SLC16A14: variants seen among roughly 807,000 people sequenced by gnomAD.
SLC16A14 encodes solute carrier family 16 member 14.
In SLC16A14, 14 loss-of-function variants were observed where a neutral mutation model predicts 35.8. That is an observed-to-expected ratio of 0.39 (90% CI 0.26 to 0.61). The LOEUF (loss-of-function observed/expected upper bound fraction) is 0.61. Among genes scored for constraint, SLC16A14 ranks in the 20% least tolerant of loss-of-function variants. SLC16A14 has a pLI of 0.51. For synonymous variants in SLC16A14, 248 were observed against 258.9 expected, an observed-to-expected ratio of 0.96 and a Z score of 0.40; for missense variants, 533 against 655.0, an observed-to-expected ratio of 0.81 and a Z score of 2.03.
In SLC16A14 at chr2:230,046,981, G is replaced by A. The variant is rs191068209; in HGVS notation, c.404-259C>T. Among the ~76,000 whole-genome samples the A allele has an allele frequency of 1.3e-5, 2 of 152,318 alleles. No homozygotes were observed. The highest frequency in any genetic ancestry group is 6.5e-5 in the Admixed American group (1 of 15,298). On this transcript the variant is annotated intron_variant, in intron 3 of 4. Coordinates refer to ENST00000295190, the MANE Select transcript of SLC16A14 (RefSeq NM_152527.5). This position sits in a 1 kb window ranked among gnomAD's most constrained non-coding sequence, Gnocchi z 5.0. ...CAAGTTCCTCCAATAACAAAATGGA[G>A]CAGCATTCTCCCATCAGAAAAATAG...
In SLC16A14 at chr2:230,064,288, C is replaced by CTGTGTGTGTG. The variant is rs370970241; in HGVS notation, c.-15+4257_-15+4266dup. The stretch of plus-strand genomic sequence containing the variant: ...AGTATGTCTTGGGTTTCAGCCTTGT[C>CTGTGTGTGTG]TGTGTGTGTGTGTGTGTGTGTGTGT... On this transcript the variant is annotated intron_variant, in intron 1 of 4. Coordinates refer to ENST00000295190, the MANE Select transcript of SLC16A14 (RefSeq NM_152527.5). Among the ~76,000 whole-genome samples, 244 of 149,690 alleles carry CTGTGTGTGTG rather than the reference C, an allele frequency of 1.6e-3. 1 individual carries two copies. Among genetic ancestry groups the CTGTGTGTGTG allele is most frequent in the Middle Eastern group, 0.01 (3 of 290 alleles).
intron 2 of SLC16A14, among the ~76,000 whole-genome samples, chr2:230,056,415 T>A (rs35939812): frequency 1.3e-5 from 2 of 151,916 alleles, no homozygotes; most frequent in East Asian, 3.9e-4. Flanking sequence ...CCACCATGCC[T>A]GGCTAATTTT....
Position 230,037,338 on chromosome 2 carries a change from C to A in SLC16A14, c.*42G>T. The A allele has an allele frequency of 6.6e-7, 1 of 1,523,892 alleles. No individual in the cohort carries two copies. Among genetic ancestry groups the A allele is most frequent in the Non-Finnish European group, 8.8e-7 (1 of 1,137,932 alleles). 94.4% of individuals were successfully genotyped at this position (1,523,892 alleles called of 1,614,324 possible). A position where few individuals can be genotyped will look rare whatever the true frequency, so the allele number is the denominator to read the frequency against. ...CCTCACAGCAACCATGCGAGGTAGG[C>A]ATGAGTATTACAATGAAACCTACAC... On this transcript the variant is annotated 3_prime_UTR_variant, in exon 5 of 5. Coordinates refer to ENST00000295190, the MANE Select transcript of SLC16A14 (RefSeq NM_152527.5).
At chr2:230,054,896 G>GAAA (rs200730244) in intron 2 of SLC16A14, among the ~76,000 whole-genome samples, 1 of 93,018 alleles carries the variant, frequency 1.1e-5, no homozygotes, top group Non-Finnish European at 2.2e-5. Flanking sequence ...CTCCATCTCA[G>GAAA]AAAAAAAAAA....
intron 1 of SLC16A14, among the ~76,000 whole-genome samples, chr2:230,066,317 T>C (rs1194772362): frequency 6.7e-6 from 1 of 148,652 alleles, no homozygotes; most frequent in Non-Finnish European, 1.5e-5. Context: ...AAAAAAAAAG[T>C]AAAAGGTAAC....
chr2:230,064,805 G>A (rs999548382), intron 1 of SLC16A14, among the ~76,000 whole-genome samples: 1 of 152,096 alleles, frequency 6.6e-6, no homozygotes, highest in Non-Finnish European at 1.5e-5. Flanking sequence ...GAGGTCGGGA[G>A]TGTGAGACCA....
intron 2 of SLC16A14, among the ~76,000 whole-genome samples, chr2:230,050,684 G>T (rs2077653186): frequency 6.6e-6 from 1 of 152,118 alleles, no homozygotes; most frequent in Non-Finnish European, 1.5e-5. Flanking sequence ...CCTATCAAAA[G>T]ATACATACTT....
intron 4 of SLC16A14, among the ~76,000 whole-genome samples, chr2:230,042,905 ATT>A (rs1322848264): frequency 1.3e-5 from 2 of 152,148 alleles, no homozygotes; most frequent in African/African-American, 4.8e-5. Flanking sequence ...TACAGCAACC[ATT>A]GTGTCACCAT....
At position 230,046,731 on chromosome 2, in the gene SLC16A14, G is replaced by C. The variant is rs1362180296; in HGVS notation, c.404-9C>G. 2 of 1,580,510 alleles carry C rather than the reference G, an allele frequency of 1.3e-6. No individual in the cohort carries two copies. The highest frequency in any genetic ancestry group is 1.7e-6 in the Non-Finnish European group (2 of 1,169,126). ...CATCCCGCTGCCCAGGCCTGTACAG[G>C]CCGACGGGGGGAAGAAAAGACACAG... On this transcript the variant is annotated splice_polypyrimidine_tract_variant and intron_variant, in intron 3 of 4. Coordinates refer to ENST00000295190, the MANE Select transcript of SLC16A14 (RefSeq NM_152527.5). This position sits in a 1 kb window ranked among gnomAD's most constrained non-coding sequence, Gnocchi z 5.0.
At chr2:230,064,383 T>A (rs576415010) in intron 1 of SLC16A14, among the ~76,000 whole-genome samples, 6 of 152,056 alleles carry the variant, frequency 3.9e-5, no homozygotes, top group Non-Finnish European at 5.9e-5. Flanking sequence ...TGCTTGGGGC[T>A]AGAAAGGGAT....
At chr2:230,052,854 A>T (rs1326222187) in intron 2 of SLC16A14, among the ~76,000 whole-genome samples, 1 of 41,832 alleles carries the variant, frequency 2.4e-5, no homozygotes, top group Non-Finnish European at 4.9e-5. Context: ...AAATATATGT[A>T]CATTGAAAAA....
At position 230,036,131 on chromosome 2, in the gene SLC16A14, A is replaced by C. The variant is rs148333722; in HGVS notation, c.*1249T>G. The C allele has an allele frequency of 6.5e-6, 1 of 152,792 alleles. No individual in the cohort carries two copies. The highest frequency in any genetic ancestry group is 1.9e-4 in the East Asian group (1 of 5,194). The allele number at this position is 152,792 out of a possible 1,614,324, so 9.5% of individuals were successfully genotyped here. ...AGTCTTAAACTATCTGTAAACAAGT[A>C]AGGCAGCCAGAAATTTCAAATGATC... On this transcript the variant is annotated 3_prime_UTR_variant, in exon 5 of 5. Coordinates refer to ENST00000295190, the MANE Select transcript of SLC16A14 (RefSeq NM_152527.5).
intron 2 of SLC16A14, among the ~76,000 whole-genome samples, chr2:230,057,244 A>C (rs2077712879): frequency 6.6e-6 from 1 of 152,208 alleles, no homozygotes; most frequent in South Asian, 2.1e-4. Context: ...TATATCATAG[A>C]TGCTTATTCA....
At chr2:230,064,191 C>A (rs2077773131) in intron 1 of SLC16A14, among the ~76,000 whole-genome samples, 1 of 151,942 alleles carries the variant, frequency 6.6e-6, no homozygotes, top group African/African-American at 2.4e-5. Context: ...CAGCCTCTTA[C>A]CTCCAGGTAA....
chr2:230,050,342 C>T (rs2077649740), intron 2 of SLC16A14, among the ~76,000 whole-genome samples: 1 of 152,236 alleles, frequency 6.6e-6, no homozygotes, highest in Non-Finnish European at 1.5e-5. Flanking sequence ...TGTGCAGTGG[C>T]TGAGCCCGTT....
chr2:230,067,571 T>A (rs5020551), intron 1 of SLC16A14, among the ~76,000 whole-genome samples: 132,192 of 143,854 alleles, frequency 0.92, 61,477 homozygotes, highest in East Asian at 1. Flanking sequence ...TCTCTCTCTC[T>A]CACACACACA....
rs138611578 is a variant in SLC16A14, at chr2:230,057,885, C to T, written c.259+1209G>A. Reference sequence around the variant, plus strand: ...TTACTAAAAATACAAAAAAATTAGCCGGGCGTGGTAGTGGGTGCCTGTAGT... The same window carrying T: ...TTACTAAAAATACAAAAAAATTAGCTGGGCGTGGTAGTGGGTGCCTGTAGT... On this transcript the variant is annotated intron_variant, in intron 2 of 4. Transcript: ENST00000295190. Among the ~76,000 whole-genome samples, 1,019 of 151,940 alleles carry T rather than the reference C, an allele frequency of 6.7e-3. 24 individuals are homozygous for T. Among genetic ancestry groups the T allele is most frequent in the Admixed American group, 0.048 (736 of 15,248 alleles).
At position 230,065,691 on chromosome 2, in the gene SLC16A14, A is replaced by G. The variant is rs2077789733; in HGVS notation, c.-15+2864T>C. On this transcript the variant is annotated intron_variant, in intron 1 of 4. Coordinates refer to ENST00000295190, the MANE Select transcript of SLC16A14 (RefSeq NM_152527.5). ...TGGTTAACTTCTAGACCAACTAGTT[A>G]ATGAAAACAAAAGACAACAGAAAAA... Among the ~76,000 whole-genome samples the G allele has an allele frequency of 2.6e-5, 4 of 152,224 alleles. No homozygotes were observed. In the South Asian group the frequency reaches 6.2e-4, roughly 24 times the overall value.
chr2:230,054,485 C>T (rs149962158), intron 2 of SLC16A14, among the ~76,000 whole-genome samples: 1 of 152,122 alleles, frequency 6.6e-6, no homozygotes, highest in Admixed American at 6.5e-5. Flanking sequence ...TGATGATTCC[C>T]CTATCTGCAC....
Sources: gnomAD v4.1 joint callset for allele counts (sites outside exome capture counted in the v4.1 genomes callset) on GRCh38, gnomAD v4.1.1 for gene constraint, Gnocchi (gnomAD v3.1) non-coding constraint, MANE v1.5 for transcripts, NCBI Gene and HGNC (gene_info 2026-07-23, HGNC 2026-07-21) for gene names.